Variants in PSMB2 observed in about 807,000 individuals in gnomAD.
PSMB2 encodes the protein proteasome subunit beta type-2.
PSMB2 carries 13 observed loss-of-function variants against 25.7 expected under a neutral mutation model. The ratio of observed to expected loss-of-function variants is 0.51; its 90% confidence interval spans 0.33 to 0.80. The LOEUF (loss-of-function observed/expected upper bound fraction) is 0.80, where lower values mean the gene tolerates loss of function less well. Ranked by LOEUF, PSMB2 falls within the 30% of genes least tolerant of loss-of-function variation. PSMB2 has a pLI of 0.02. For missense variants in PSMB2, 202 were observed against 259.0 expected, an observed-to-expected ratio of 0.78 and a Z score of 1.51; for synonymous variants, 87 against 96.2, an observed-to-expected ratio of 0.90 and a Z score of 0.56.
intron 2 of PSMB2, among the ~76,000 whole-genome samples, chr1:35,635,715 G>T (rs1018232834): frequency 6.6e-6 from 1 of 151,302 alleles, no homozygotes; most frequent in African/African-American, 2.4e-5. Flanking sequence ...TGTAGTCCCA[G>T]CTACTCAGGA....
At chr1:35,615,304 C>G (rs902482665) in intron 3 of PSMB2, among the ~76,000 whole-genome samples, 1 of 152,230 alleles carries the variant, frequency 6.6e-6, no homozygotes, top group Non-Finnish European at 1.5e-5. Flanking sequence ...TTAAAAACTT[C>G]TGAGCATCTG....
rs535880357 is a variant in PSMB2 at position 35,599,599 on chromosome 1, G to A, written c.*3668C>T. 716 of 984,818 alleles carry A rather than the reference G, an allele frequency of 7.3e-4. No homozygotes were observed. Among genetic ancestry groups the A allele is most frequent in the Non-Finnish European group, 8.5e-4 (701 of 829,480 alleles). 61.0% of individuals were successfully genotyped at this position (984,818 alleles called of 1,614,324 possible). A position where few individuals can be genotyped will look rare whatever the true frequency, so the allele number is the denominator to read the frequency against. On this transcript the variant is annotated 3_prime_UTR_variant, in exon 6 of 6. Transcript: ENST00000373237. ...GGAGGGAAAGGAAGTGGGGAGTTAG[G>A]TTCGGAGAGGATTATGGAATGCCTA...
intron 3 of PSMB2, among the ~76,000 whole-genome samples, chr1:35,613,642 G>A (rs1398329028): frequency 6.6e-6 from 1 of 152,178 alleles, no homozygotes; most frequent in Non-Finnish European, 1.5e-5. Flanking sequence ...CTTTTTGCTA[G>A]GCTTGGGTCC....
rs186686394 is a variant in PSMB2 at position 35,638,734 on chromosome 1, C to T, written c.92-2302G>A. Among the ~76,000 whole-genome samples, 471 of 152,208 alleles carry T rather than the reference C, an allele frequency of 3.1e-3. 3 individuals are homozygous for T. The highest frequency in any genetic ancestry group is 0.011 in the African/African-American group (446 of 41,540). On this transcript the variant is annotated intron_variant, in intron 1 of 5. Coordinates refer to ENST00000373237, the MANE Select transcript of PSMB2 (RefSeq NM_002794.5). ...GCCAAGAGAAAAGAGACATGAAATG[C>T]GGCATATAAGCAAACCAAAAGTTAT...
At position 35,641,322 on chromosome 1, in the gene PSMB2, C is replaced by T; in HGVS notation, c.91+20G>A. On this transcript the variant is annotated intron_variant, in intron 1 of 5. Transcript: ENST00000373237. ...CTCCTACACCCCAGGCCTGGCCGGG[C>T]CTCCCCTGCTTCCTCTCACCGTCCT... 1 of 1,614,020 alleles carries T rather than the reference C, an allele frequency of 6.2e-7. No individual in the cohort carries two copies. The highest frequency in any genetic ancestry group is 8.5e-7 in the Non-Finnish European group (1 of 1,179,976).
chr1:35,621,503 C>A (rs548158069), intron 3 of PSMB2, among the ~76,000 whole-genome samples: 20 of 152,344 alleles, frequency 1.3e-4, no homozygotes, highest in African/African-American at 4.8e-4. Flanking sequence ...TCTGCTGGAT[C>A]ATTTCAGTTT....
intron 3 of PSMB2, among the ~76,000 whole-genome samples, chr1:35,612,356 A>G (rs1427807006): frequency 6.6e-6 from 1 of 152,002 alleles, no homozygotes; most frequent in Admixed American, 6.6e-5. Context: ...TCTAGGAAAT[A>G]TAATGAGAAA....
At chr1:35,634,207 G>A (rs1651180537) in intron 2 of PSMB2, among the ~76,000 whole-genome samples, 1 of 152,116 alleles carries the variant, frequency 6.6e-6, no homozygotes, top group Admixed American at 6.5e-5. Context: ...CTTATAGTTA[G>A]TTACACAATG....
chr1:35,623,987 G>C (rs1650773618), intron 3 of PSMB2, among the ~76,000 whole-genome samples: 1 of 152,098 alleles, frequency 6.6e-6, no homozygotes, highest in Non-Finnish European at 1.5e-5. Flanking sequence ...TAATTCTCAT[G>C]GTCAGAATAG....
intron 3 of PSMB2, among the ~76,000 whole-genome samples, chr1:35,623,812 AC>A (rs776956076): frequency 6.6e-6 from 1 of 152,196 alleles, no homozygotes; most frequent in African/African-American, 2.4e-5. Flanking sequence ...ATGTGAAATT[AC>A]CCTTGTTAGT....
At chr1:35,630,335 C>T (rs550525093) in intron 3 of PSMB2, among the ~76,000 whole-genome samples, 1 of 152,172 alleles carries the variant, frequency 6.6e-6, no homozygotes, top group Non-Finnish European at 1.5e-5. Flanking sequence ...AGCAATCACA[C>T]TCCTTGGTAT....
chr1:35,605,381 C>T (rs1650135713), intron 4 of PSMB2, 99 bp from the exon 5 acceptor site: 1 of 1,165,950 alleles, frequency 8.6e-7, no homozygotes, highest in Non-Finnish European at 1.3e-6. Flanking sequence ...CTTCAGGTCT[C>T]AGTGCCACAC....
intron 3 of PSMB2, among the ~76,000 whole-genome samples, chr1:35,622,328 G>C (rs1650713893): frequency 6.6e-6 from 1 of 152,088 alleles, no homozygotes; most frequent in Non-Finnish European, 1.5e-5. Context: ...ACCCAGACTG[G>C]GGCAAGTGAT....
At chr1:35,628,648 T>TTA (rs1553125213) in intron 3 of PSMB2, among the ~76,000 whole-genome samples, 3,291 of 33,632 alleles carry the variant, frequency 0.098, 432 homozygotes, top group Non-Finnish European at 0.22. Flanking sequence ...TTTTTTTTTT[T>TTA]AAAGAAAAGA....
At chr1:35,624,486 C>T (rs1650789679) in intron 3 of PSMB2, among the ~76,000 whole-genome samples, 3 of 146,572 alleles carry the variant, frequency 2.0e-5, no homozygotes, top group South Asian at 2.1e-4. Context: ...GGTGCAGTGG[C>T]TCATGCCTGT....
At chr1:35,611,517 T>C (rs1292167128) in intron 3 of PSMB2, among the ~76,000 whole-genome samples, 2 of 152,116 alleles carry the variant, frequency 1.3e-5, no homozygotes, top group Non-Finnish European at 2.9e-5. Flanking sequence ...TGATTTATTA[T>C]TATTTTTTTA....
chr1:35,636,165 C>T (rs57160953), intron 2 of PSMB2, 145 bp downstream of exon 2: 9,999 of 979,744 alleles, frequency 0.01, 78 homozygotes, highest in Non-Finnish European at 0.013. Flanking sequence ...CAGAAATCAA[C>T]GCTGCCAACA....
chr1:35,628,596 A>AAATATATATATAT (rs59538661), intron 3 of PSMB2, among the ~76,000 whole-genome samples: 6 of 25,108 alleles, frequency 2.4e-4, no homozygotes, highest in Non-Finnish European at 3.8e-4. Context: ...AAAAAAAAAA[A>AAATATATATATAT]ATATATATAT....
chr1:35,634,891 G>A (rs1179878656), intron 2 of PSMB2, among the ~76,000 whole-genome samples: 6 of 151,810 alleles, frequency 4.0e-5, no homozygotes, highest in African/African-American at 7.3e-5. Context: ...GGGCTCAAAC[G>A]ATCTTCCTGC....
Sources: gnomAD v4.1 joint callset for allele counts (sites outside exome capture counted in the v4.1 genomes callset) on GRCh38, gnomAD v4.1.1 for gene constraint, MANE v1.5 for transcripts, NCBI Gene and HGNC (gene_info 2026-07-23, HGNC 2026-07-21) for gene names.